The following CYLD variants were observed in gnomAD, a reference collection of about 807,000 sequenced individuals.
The protein encoded by CYLD is CYLD lysine 63 deubiquitinase.
CYLD carries 26 observed loss-of-function variants against 104.5 expected under a neutral mutation model. That is an observed-to-expected ratio of 0.25 (90% CI 0.18 to 0.35). The LOEUF (loss-of-function observed/expected upper bound fraction) is 0.35. Ranked by LOEUF, CYLD falls within the 10% of genes least tolerant of loss-of-function variation. The pLI is 1.00. For synonymous variants in CYLD, 385 were observed against 399.9 expected (o/e 0.96, Z 0.45); for missense variants, 703 against 1,136.1 (o/e 0.62, Z 5.48).
At chr16:50,745,364 T>G (rs1414020644) in intron 2 of CYLD, among the ~76,000 whole-genome samples, 1 of 131,984 alleles carries the variant, frequency 7.6e-6, no homozygotes, top group Admixed American at 7.3e-5. Flanking sequence ...TCCTCTTTGT[T>G]TTTTTTTTTT....
At chr16:50,790,416 T>C (rs1263343287) in intron 14 of CYLD, among the ~76,000 whole-genome samples, 2 of 152,196 alleles carry the variant, frequency 1.3e-5, no homozygotes, top group Non-Finnish European at 2.9e-5. Context: ...ACTACTTACC[T>C]CTACTACTTC....
rs1029890241 is a variant in CYLD, at chr16:50,776,235, G to A, written c.979G>A (p.Gly327Arg). The A allele has an allele frequency of 6.2e-7, 1 of 1,613,396 alleles. No homozygotes were observed. The highest frequency in any genetic ancestry group is 1.3e-5 in the African/African-American group (1 of 74,850). ...ACTTGCCTTTATGTCAAGAGGTGTT[G>A]GGGACAAAGGTTCATCCAGTCATAA... ...PKLAFMSRGV[G>R]DKGSSSHNKP... Residue 327 changes from glycine to arginine, a missense_variant, in exon 7 of 19, where the codon GGG becomes AGG. This residue lies in a region of CYLD where 183 missense variants were observed against 212.1 expected (regional missense o/e 0.86). Transcript: ENST00000427738.
chr16:50,798,614 GAAA>G lies in CYLD; in HGVS notation c.*2120_*2122del, dbSNP rs74757288. 150 of 205,416 alleles carry G rather than the reference GAAA, an allele frequency of 7.3e-4. No homozygotes were observed. Among genetic ancestry groups the G allele is most frequent in the East Asian group, 9.2e-4 (14 of 15,252 alleles). 12.7% of individuals were successfully genotyped at this position (205,416 alleles called of 1,614,324 possible). On this transcript the variant is annotated 3_prime_UTR_variant, in exon 19 of 19. Transcript: ENST00000427738. The stretch of plus-strand genomic sequence containing the variant: ...TAGGTAAGACTGGATTTAACAGTTG[GAAA>G]AAAAAAAAAAAAAGGAGAGAGAAGA...
chr16:50,794,351 G>A lies in CYLD; in HGVS notation c.2609G>A (p.Ser870Asn). 1 of 1,614,186 alleles carries A rather than the reference G, an allele frequency of 6.2e-7. No individual in the cohort carries two copies. Among genetic ancestry groups the A allele is most frequent in the Non-Finnish European group, 8.5e-7 (1 of 1,180,030 alleles). The change falls in exon 18 of 19, where the codon AGC becomes AAC. Residue 870 changes from serine (S) to asparagine (N), a missense_variant. Coordinates refer to ENST00000427738, the MANE Select transcript of CYLD (RefSeq NM_001378743.1). This position sits in a 1 kb window ranked among gnomAD's most constrained non-coding sequence, Gnocchi z 4.1. ...ELFAVLCIETSHYVAFVKYGK... is the reference protein window; with the variant it reads ...ELFAVLCIETNHYVAFVKYGK... Reference sequence around the variant, plus strand: ...TTTGCTGTTCTCTGCATAGAAACAAGCCACTATGTTGCTTTTGTGAAGTAT... The same window carrying A: ...TTTGCTGTTCTCTGCATAGAAACAAACCACTATGTTGCTTTTGTGAAGTAT...
intron 4 of CYLD, among the ~76,000 whole-genome samples, chr16:50,753,080 G>C (rs1267901478): frequency 6.6e-6 from 1 of 152,076 alleles, no homozygotes; most frequent in Non-Finnish European, 1.5e-5. Context: ...TTTTTGGTTG[G>C]TAAGGTAATG....
At chr16:50,781,495 C>CA in intron 10 of CYLD, 84 bp downstream of exon 10, 1 of 1,495,826 alleles carries the variant, frequency 6.7e-7, no homozygotes, top group East Asian at 2.3e-5. Context: ...GTGATGGTGA[C>CA]AGTGTTTTAA....
intron 4 of CYLD, among the ~76,000 whole-genome samples, chr16:50,753,642 C>T (rs1966799497): frequency 6.6e-6 from 1 of 152,214 alleles, no homozygotes; most frequent in African/African-American, 2.4e-5. Flanking sequence ...TCCTTTATTT[C>T]CAGGGACATT....
Position 50,798,270 on chromosome 16 carries a change from C to T in CYLD, c.*1762C>T, listed in dbSNP as rs1046189046. 4.3e-6 allele frequency: 1 copy of T among 232,292 alleles called. No individual in the cohort carries two copies. The highest frequency in any genetic ancestry group is 8.5e-6 in the Non-Finnish European group (1 of 117,410). The allele number at this position is 232,292 out of a possible 1,614,324, so 14.4% of individuals were successfully genotyped here. A position where few individuals can be genotyped will look rare whatever the true frequency, so the allele number is the denominator to read the frequency against. ...GCCAGCCCTCGGTATCTGCAGGTTT[C>T]TCATCCATGGATTCAACCAACTGCA... On this transcript the variant is annotated 3_prime_UTR_variant, in exon 19 of 19. Transcript: ENST00000427738.
intron 4 of CYLD, among the ~76,000 whole-genome samples, chr16:50,753,683 C>A (rs1056786844): frequency 6.6e-6 from 1 of 152,192 alleles, no homozygotes; most frequent in South Asian, 2.1e-4. Context: ...GTGCCCAGGG[C>A]AGTTGTCTGA....
chr16:50,795,698 C>T, intron 18 of CYLD: 1 of 680,400 alleles, frequency 1.5e-6, no homozygotes, highest in East Asian at 2.7e-5. Flanking sequence ...AGGGATACAT[C>T]CCAGCCCCAT....
rs535223072 is a variant in CYLD at position 50,795,752 on chromosome 16, C to T, written c.2687-572C>T. 604 of 591,322 alleles carry T rather than the reference C, an allele frequency of 1.0e-3. 1 individual carries two copies. The highest frequency in any genetic ancestry group is 1.5e-3 in the Non-Finnish European group (498 of 331,488). The allele number at this position is 591,322 out of a possible 1,614,324, so 36.6% of individuals were successfully genotyped here. The stretch of plus-strand genomic sequence containing the variant: ...CCCAGTTAACATTTGCACTAAACAG[C>T]GTAACACAACAGCATAGGTTTGGAA... On this transcript the variant is annotated intron_variant, in intron 18 of 18. Coordinates refer to ENST00000427738, the MANE Select transcript of CYLD (RefSeq NM_001378743.1).
intron 5 of CYLD, among the ~76,000 whole-genome samples, chr16:50,761,712 C>T (rs1255703112): frequency 6.9e-6 from 1 of 144,084 alleles, no homozygotes; most frequent in Non-Finnish European, 1.5e-5. Flanking sequence ...CCTGTGTTTT[C>T]TTCTAGTACT....
chr16:50,769,690 C>T (rs962682656), intron 5 of CYLD, among the ~76,000 whole-genome samples: 6 of 152,158 alleles, frequency 3.9e-5, no homozygotes, highest in East Asian at 3.8e-4. Flanking sequence ...TAAAACAAGA[C>T]GTGTGCAACA....
intron 1 of CYLD, chr16:50,742,434 A>C: frequency 1.0e-5 from 2 of 199,554 alleles, no homozygotes; most frequent in East Asian, 1.1e-4. Flanking sequence ...CCATCCCCCG[A>C]GGCTTCCCGG....
chr16:50,768,143 C>T (rs1450163902), intron 5 of CYLD, among the ~76,000 whole-genome samples: 2 of 151,860 alleles, frequency 1.3e-5, no homozygotes, highest in Non-Finnish European at 2.9e-5. Flanking sequence ...TCTTTTAAAG[C>T]TTGATTTTCA....
In CYLD at chr16:50,772,332, A is replaced by G. The variant is rs192486449; in HGVS notation, c.914-2834A>G. Reference sequence around the variant, plus strand: ...AGGTCTTGAGGTTCCTAGCTGGTCTACCTTCTCATCTCTACCTTTCAAAGT... The same window carrying G: ...AGGTCTTGAGGTTCCTAGCTGGTCTGCCTTCTCATCTCTACCTTTCAAAGT... On this transcript the variant is annotated intron_variant, in intron 5 of 18. Transcript: ENST00000427738. 3.9e-5 allele frequency among the ~76,000 whole-genome samples: 6 copies of G among 152,272 alleles called. No individual in the cohort carries two copies. In the East Asian group the frequency reaches 9.7e-4, roughly 25 times the overall value.
At chr16:50,742,605 G>T in intron 1 of CYLD, 157 bp from the exon 2 acceptor site, 1 of 384,252 alleles carries the variant, frequency 2.6e-6, no homozygotes, top group Non-Finnish European at 4.6e-6. Flanking sequence ...GGGCCCCGAC[G>T]GCCACGGTTG....
chr16:50,786,053 T>C lies in CYLD; in HGVS notation c.1950-802T>C, dbSNP rs538051330. 3.3e-5 allele frequency: 5 copies of C among 152,352 alleles called. No homozygotes were observed. The South Asian group carries it at 1.0e-3, about 32-fold the overall frequency. 9.4% of individuals were successfully genotyped at this position (152,352 alleles called of 1,614,324 possible). A position where few individuals can be genotyped will look rare whatever the true frequency, so the allele number is the denominator to read the frequency against. On this transcript the variant is annotated intron_variant, in intron 12 of 18. Coordinates refer to ENST00000427738, the MANE Select transcript of CYLD (RefSeq NM_001378743.1). ...TTACAAATTTAAAGTGATATTAAAC[T>C]GATTGAATGTGTCTTGCATTCAGAC...
rs753846644 is a variant in CYLD, at chr16:50,782,403, T to C, written c.1763T>C (p.Ile588Thr). The change falls in exon 11 of 19, where the codon ATT (isoleucine) becomes ACT (threonine). Residue 588 changes from isoleucine (I) to threonine (T), a missense_variant. Coordinates refer to ENST00000427738, the MANE Select transcript of CYLD (RefSeq NM_001378743.1). ...GAAAAAGAAGGCTTGGAGATAATGA[T>C]TGGGAAGAAGAAAGGCATCCAGGGT... ...KMEKEGLEIM[I>T]GKKKGIQGHY... is the part of the protein sequence containing the mutation. The C allele has an allele frequency of 1.2e-6, 2 of 1,613,900 alleles. No individual in the cohort carries two copies. The highest frequency in any genetic ancestry group is 1.7e-5 in the Admixed American group (1 of 60,020).
Sources: allele counts gnomAD v4.1 joint callset (sites outside exome capture counted in the v4.1 genomes callset), GRCh38; gene constraint gnomAD v4.1.1; regional missense constraint gnomAD v4.1.1; non-coding constraint Gnocchi (gnomAD v3.1); transcripts MANE v1.5; gene names NCBI Gene and HGNC (gene_info 2026-07-23, HGNC 2026-07-21).